Variants in BRWD1 observed in about 807,000 individuals in gnomAD.
BRWD1 encodes the protein bromodomain and WD repeat-containing protein 1.
Under a neutral mutation model 251.2 loss-of-function variants are expected in BRWD1, and 82 were observed. The ratio of observed to expected loss-of-function variants is 0.33; its 90% CI spans 0.27 to 0.39. The LOEUF (loss-of-function observed/expected upper bound fraction) is 0.39, where lower values mean the gene tolerates loss of function less well. Among genes scored for constraint, BRWD1 ranks in the 10% least tolerant of loss-of-function variants. The probability of loss-of-function intolerance (pLI) is 1.00; values close to 1 mark genes in which losing one functional copy is unlikely to be tolerated. For synonymous variants in BRWD1, 918 were observed against 902.8 expected, an observed-to-expected ratio of 1.02 and a Z score of -0.30; for missense variants, 2,233 against 2,711.6, an observed-to-expected ratio of 0.82 and a Z score of 3.92.
chr21:39,280,135 T>TA lies in BRWD1; in HGVS notation c.932+12dup. The TA allele has an allele frequency of 3.2e-6, 5 of 1,564,936 alleles. No homozygotes were observed. Among genetic ancestry groups the TA allele is most frequent in the Non-Finnish European group, 4.3e-6 (5 of 1,152,774 alleles). Reference sequence around the variant, plus strand: ...TAAAAAACAAAACCTGTTACATAATTAAAGCCACTTACCTAAATTTTAAGG... The same window carrying TA: ...TAAAAAACAAAACCTGTTACATAATTAAAAGCCACTTACCTAAATTTTAAGG... On this transcript the variant is annotated intron_variant, in intron 9 of 40. Coordinates refer to ENST00000342449, the MANE Select transcript of BRWD1 (RefSeq NM_033656.4).
At position 39,193,118 on chromosome 21, in the gene BRWD1, C is replaced by T. The variant is rs577445586; in HGVS notation, c.*3141G>A. ...TTTATATTCCCCTTTTCCATTTGCC[C>T]TTCTGTTTTGAAGTGCTTTTTCTTA... On this transcript the variant is annotated 3_prime_UTR_variant, in exon 41 of 41. Coordinates refer to ENST00000342449, the MANE Select transcript of BRWD1 (RefSeq NM_033656.4). 3.2e-5 allele frequency: 32 copies of T among 984,940 alleles called. No homozygotes were observed. Among genetic ancestry groups the T allele is most frequent in the Admixed American group, 6.2e-5 (1 of 16,212 alleles). The allele number at this position is 984,940 out of a possible 1,614,324, so 61.0% of individuals were successfully genotyped here.
In BRWD1 at chr21:39,244,705, AT is replaced by A. The variant is rs1422635887; in HGVS notation, c.2481+2995del. Among the ~76,000 whole-genome samples, 16 of 152,168 alleles carry A rather than the reference AT, an allele frequency of 1.1e-4. 1 individual carries two copies. Among genetic ancestry groups the A allele is most frequent in the Admixed American group, 5.2e-4 (8 of 15,282 alleles). On this transcript the variant is annotated intron_variant, in intron 21 of 40. Transcript: ENST00000342449. ...CGTAACAGTTTTCCCAAAGGAAACC[AT>A]CCCATGTCTACTGTGTTGGGCAAAT...
Position 39,228,645 on chromosome 21 carries a change from G to A in BRWD1, c.3126-63C>T, listed in dbSNP as rs2033481085. ...TAGCAGGTTATATAGTCTAAAAGCAGCACTGTCCAAAAGAAACATGAGATC... is the reference window on the plus strand; with the variant it reads ...TAGCAGGTTATATAGTCTAAAAGCAACACTGTCCAAAAGAAACATGAGATC... On this transcript the variant is annotated intron_variant, in intron 26 of 40. Coordinates refer to ENST00000342449, the MANE Select transcript of BRWD1 (RefSeq NM_033656.4). 18 of 888,546 alleles carry A rather than the reference G, an allele frequency of 2.0e-5. No homozygotes were observed. In the East Asian group the frequency reaches 2.2e-4, roughly 11 times the overall value. 55.0% of individuals were successfully genotyped at this position (888,546 alleles called of 1,614,324 possible). A position where few individuals can be genotyped will look rare whatever the true frequency, so the allele number is the denominator to read the frequency against.
intron 6 of BRWD1, 57 bp from the exon 7 acceptor site, chr21:39,295,960 G>A: frequency 7.1e-7 from 1 of 1,404,798 alleles, no homozygotes; most frequent in South Asian, 1.7e-5. Context: ...AAAAATCTAA[G>A]AAAAACTCAA....
At position 39,191,845 on chromosome 21, in the gene BRWD1, T is replaced by A; in HGVS notation, c.*4414A>T. On this transcript the variant is annotated 3_prime_UTR_variant, in exon 41 of 41. Coordinates refer to ENST00000342449, the MANE Select transcript of BRWD1 (RefSeq NM_033656.4). Reference sequence around the variant, plus strand: ...AATCTCATTTAAGGGCTTTAATAAATGAAAAAACTTACCTTAAAACTGACA... The same window carrying A: ...AATCTCATTTAAGGGCTTTAATAAAAGAAAAAACTTACCTTAAAACTGACA... 1 of 984,954 alleles carries A rather than the reference T, an allele frequency of 1.0e-6. No individual in the cohort carries two copies. The highest frequency in any genetic ancestry group is 1.2e-6 in the Non-Finnish European group (1 of 829,622). The allele number at this position is 984,954 out of a possible 1,614,324, so 61.0% of individuals were successfully genotyped here.
At chr21:39,222,147 C>T (rs2033203598) in intron 29 of BRWD1, among the ~76,000 whole-genome samples, 1 of 152,152 alleles carries the variant, frequency 6.6e-6, no homozygotes, top group South Asian at 2.1e-4. Flanking sequence ...CATTTGTCAG[C>T]CCTCAAAAGG....
At chr21:39,254,067 G>C (rs988441607) in intron 19 of BRWD1, among the ~76,000 whole-genome samples, 1 of 152,178 alleles carries the variant, frequency 6.6e-6, no homozygotes, top group Non-Finnish European at 1.5e-5. Context: ...GGGAGTTCAA[G>C]ACAAGCCTGA....
chr21:39,309,757 G>C (rs768735251), intron 4 of BRWD1, among the ~76,000 whole-genome samples: 4 of 150,422 alleles, frequency 2.7e-5, no homozygotes, highest in Non-Finnish European at 5.9e-5. Flanking sequence ...TCCGGGAGGC[G>C]GAGCTTGCAG....
rs753969645 is a variant in BRWD1, at chr21:39,195,093, A to C, written c.*1166T>G. 1.2e-4 allele frequency: 144 copies of C among 1,205,106 alleles called. No homozygotes were observed. Among genetic ancestry groups the C allele is most frequent in the Middle Eastern group, 6.7e-4 (2 of 3,006 alleles). 74.7% of individuals were successfully genotyped at this position (1,205,106 alleles called of 1,614,324 possible). Reference sequence around the variant, plus strand: ...TTCACTTTAAATGGATTATAAAATTATTTTCCCACAAAACATGACAGTTTC... The same window carrying C: ...TTCACTTTAAATGGATTATAAAATTCTTTTCCCACAAAACATGACAGTTTC... On this transcript the variant is annotated 3_prime_UTR_variant, in exon 41 of 41. Transcript: ENST00000342449.
At chr21:39,282,557 C>A (rs75901716) in intron 8 of BRWD1, among the ~76,000 whole-genome samples, 15,470 of 152,064 alleles carry the variant, frequency 0.1, 922 homozygotes, top group East Asian at 0.14. Context: ...CTTGCTTTCA[C>A]TTTAAAAAAA....
rs541402187 is a variant in BRWD1, at chr21:39,241,864, G to A, written c.2482-3291C>T. ...AAACTTTTTCATTTTTATTGTATCT[G>A]TTACTGTGATTTGTGATTAATGATC... is the stretch of plus-strand genomic sequence containing the variant. On this transcript the variant is annotated intron_variant, in intron 21 of 40. Coordinates refer to ENST00000342449, the MANE Select transcript of BRWD1 (RefSeq NM_033656.4). 8.8e-4 allele frequency among the ~76,000 whole-genome samples: 134 copies of A among 152,180 alleles called. 1 individual carries two copies. Among genetic ancestry groups the A allele is most frequent in the African/African-American group, 3.1e-3 (130 of 41,522 alleles).
chr21:39,246,135 A>G (rs1472575918), intron 21 of BRWD1, among the ~76,000 whole-genome samples: 1 of 152,236 alleles, frequency 6.6e-6, no homozygotes, highest in Non-Finnish European at 1.5e-5. Context: ...GAATGGGAGA[A>G]AAATTCTACA....
At chr21:39,286,015 A>AATTTTTT in intron 8 of BRWD1, among the ~76,000 whole-genome samples, 1 of 26,738 alleles carries the variant, frequency 3.7e-5, no homozygotes, top group African/African-American at 2.0e-4. Flanking sequence ...CACCATATGA[A>AATTTTTT]CTTTTTTTTT....
chr21:39,278,022 G>GC (rs1555873649), intron 10 of BRWD1, among the ~76,000 whole-genome samples: 2 of 150,408 alleles, frequency 1.3e-5, no homozygotes, highest in Non-Finnish European at 3.0e-5. Context: ...TTTTTGTTTT[G>GC]TTTTTTTTTA....
chr21:39,224,061 G>T (rs1466372797), intron 29 of BRWD1, among the ~76,000 whole-genome samples: 1 of 152,156 alleles, frequency 6.6e-6, no homozygotes, highest in Non-Finnish European at 1.5e-5. Context: ...TGTTGGCCAG[G>T]CTGGTCTCGA....
Position 39,198,842 on chromosome 21 carries a change from C to A in BRWD1, c.5574G>T (p.Gln1858His). The A allele has an allele frequency of 1.2e-6, 2 of 1,614,034 alleles. No homozygotes were observed. The highest frequency in any genetic ancestry group is 1.7e-6 in the Non-Finnish European group (2 of 1,179,942). Residue 1858 changes from glutamine (Q) to histidine (H), a missense_variant, in exon 40 of 41, where the codon CAG becomes CAT. Gln to His is a conservative substitution (Grantham distance 24). Around this residue, in one of 12 missense-constraint regions of BRWD1, gnomAD observed 928 missense variants for 970.0 expected, o/e 0.96. Transcript: ENST00000342449. ...TTTCACATCCATGATCTGAGGAACA[C>A]TGGGACATAGCAATAGGGTCACAGT... ...NLNCDPIAMS[Q>H]CSSDHGCETD...
At position 39,255,791 on chromosome 21, in the gene BRWD1, T is replaced by A; in HGVS notation, c.2109A>T (p.Pro703=). The change falls in exon 19 of 41, where the codon CCA becomes CCT. Residue 703 remains proline (P), a synonymous_variant. Coordinates refer to ENST00000342449, the MANE Select transcript of BRWD1 (RefSeq NM_033656.4). ...GTCCACTACGACGCAGACCAATATT[T>A]GGAGGGGACTGAATGTCTAAGCTCA... is the stretch of plus-strand genomic sequence containing the variant. ...RRLSLDIQSP[P]NIGLRRSGQV... 1 of 1,614,170 alleles carries A rather than the reference T, an allele frequency of 6.2e-7. No individual in the cohort carries two copies. The highest frequency in any genetic ancestry group is 8.5e-7 in the Non-Finnish European group (1 of 1,180,010).
intron 4 of BRWD1, among the ~76,000 whole-genome samples, chr21:39,303,375 C>T (rs183385353): frequency 1.2e-4 from 18 of 151,192 alleles, no homozygotes; most frequent in Admixed American, 4.6e-4. Context: ...AAAGATTAGC[C>T]GGGCATGGTA....
chr21:39,303,070 T>C (rs984583532), intron 4 of BRWD1, among the ~76,000 whole-genome samples: 10 of 152,012 alleles, frequency 6.6e-5, no homozygotes, highest in Admixed American at 1.3e-4. Context: ...AAAAGATTAC[T>C]AGCTCAAAGC....
Sources: gnomAD v4.1 joint callset for allele counts (sites outside exome capture counted in the v4.1 genomes callset) on GRCh38, gnomAD v4.1.1 for gene constraint, gnomAD v4.1.1 regional missense constraint, MANE v1.5 for transcripts, NCBI Gene and HGNC (gene_info 2026-07-23, HGNC 2026-07-21) for gene names.